The following TMEM39A variants were observed in gnomAD, a reference collection of about 807,000 sequenced individuals.
TMEM39A encodes transmembrane protein 39A, also known as suppressor of SQST-1 aggregates in rpl-43 mutants.
Under a neutral mutation model 51.9 loss-of-function variants are expected in TMEM39A, and 19 were observed. The observed-to-expected ratio is 0.37, with a 90% confidence interval of 0.26 to 0.54. The LOEUF is 0.54. TMEM39A is among the 20% of genes least tolerant of loss of function. The pLI, the probability that TMEM39A is intolerant of heterozygous loss-of-function variation, is 0.88. For synonymous variants in TMEM39A, 197 were observed against 220.2 expected (o/e 0.89, Z 0.93); for missense variants, 433 against 590.5 (o/e 0.73, Z 2.76).
At chr3:119,451,234 G>A in intron 4 of TMEM39A, 1 of 1,280,432 alleles carries the variant, frequency 7.8e-7, no homozygotes, top group Non-Finnish European at 1.0e-6. Flanking sequence ...AACTTCAAAT[G>A]GTTTTCAGAT....
Position 119,462,043 on chromosome 3 carries a change from T to G in TMEM39A, c.32A>C (p.Gln11Pro). The stretch of plus-strand genomic sequence containing the variant: ...AGGTAAAGCTGAACGGCTTAGCTGT[T>G]GCCGACTAGGGCCCCTCCTTCCACC... MPGGRRGPSRQQLSRSALPSL... is the reference protein window; with the variant it reads MPGGRRGPSRPQLSRSALPSL... Residue 11 changes from glutamine to proline, a missense_variant, in exon 2 of 9, where the codon CAA (glutamine) becomes CCA (proline). Physicochemically the swap from Gln to Pro is moderately conservative, Grantham distance 76. Around this residue, in one of 3 missense-constraint regions of TMEM39A, gnomAD observed 170 missense variants for 239.8 expected, o/e 0.71. Transcript: ENST00000319172. 3.7e-6 allele frequency: 6 copies of G among 1,614,184 alleles called. No homozygotes were observed. The highest frequency in any genetic ancestry group is 5.1e-6 in the Non-Finnish European group (6 of 1,180,012).
chr3:119,435,461 ATGGT>A, intron 7 of TMEM39A: 1 of 979,854 alleles, frequency 1.0e-6, no homozygotes, highest in Non-Finnish European at 1.2e-6. Context: ...CACTGCTTTC[ATGGT>A]TTATTTTTAT....
At chr3:119,456,428 T>A (rs1184663016) in intron 3 of TMEM39A, among the ~76,000 whole-genome samples, 1 of 152,212 alleles carries the variant, frequency 6.6e-6, no homozygotes, top group Non-Finnish European at 1.5e-5. Context: ...AACAACCAAA[T>A]GATACAAATA....
In TMEM39A at chr3:119,431,135, T is replaced by C. The variant is rs929435247; in HGVS notation, c.*846A>G. On this transcript the variant is annotated 3_prime_UTR_variant, in exon 9 of 9. Coordinates refer to ENST00000319172, the MANE Select transcript of TMEM39A (RefSeq NM_018266.3). ...GGTTGCTGCTAGACTACATCCAAGA[T>C]TGTTCAGCTGAGGACTTGCCCACTC... 2.0e-5 allele frequency: 3 copies of C among 152,132 alleles called. No homozygotes were observed. Among genetic ancestry groups the C allele is most frequent in the Non-Finnish European group, 4.4e-5 (3 of 68,022 alleles). The allele number at this position is 152,132 out of a possible 1,614,324, so 9.4% of individuals were successfully genotyped here.
chr3:119,461,282 T>C (rs2081333840), intron 2 of TMEM39A, among the ~76,000 whole-genome samples: 1 of 151,868 alleles, frequency 6.6e-6, no homozygotes, highest in Admixed American at 6.6e-5. Flanking sequence ...GGAAGAGGGA[T>C]TGGAAAGTCA....
chr3:119,435,928 G>A, intron 7 of TMEM39A: 1 of 1,289,672 alleles, frequency 7.8e-7, no homozygotes, highest in Non-Finnish European at 1.0e-6. Context: ...TTGAAGGCCT[G>A]TGCTAATCTG....
chr3:119,462,598 ACTTCTGAGTGTGTT>A (rs1349355944), intron 1 of TMEM39A, among the ~76,000 whole-genome samples: 1 of 110,744 alleles, frequency 9.0e-6, no homozygotes, highest in African/African-American at 3.6e-5. Context: ...GGATAAGTTA[ACTTCTGAGTGTGTT>A]CTTCTGAGTG....
chr3:119,434,280 C>G (rs1209747765), intron 8 of TMEM39A, among the ~76,000 whole-genome samples: 2 of 152,046 alleles, frequency 1.3e-5, no homozygotes, highest in African/African-American at 4.8e-5. Flanking sequence ...TTTTCCTTTT[C>G]ATGGCATTTG....
In TMEM39A at chr3:119,438,121, A is replaced by C; in HGVS notation, c.576-18T>G. ...CACCAAACCTGTAAAACAAAGTGTGAAAATGAGACCACAGATACCACCTAA... is the reference window on the plus strand; with the variant it reads ...CACCAAACCTGTAAAACAAAGTGTGCAAATGAGACCACAGATACCACCTAA... On this transcript the variant is annotated intron_variant, in intron 5 of 8. Coordinates refer to ENST00000319172, the MANE Select transcript of TMEM39A (RefSeq NM_018266.3). The C allele has an allele frequency of 6.4e-7, 1 of 1,561,370 alleles. No homozygotes were observed. Among genetic ancestry groups the C allele is most frequent in the South Asian group, 1.1e-5 (1 of 87,588 alleles).
intron 5 of TMEM39A, among the ~76,000 whole-genome samples, chr3:119,445,258 TTTTA>T (rs996667179): frequency 3.3e-5 from 5 of 152,042 alleles, no homozygotes; most frequent in East Asian, 1.9e-4. Context: ...TTTTATTTTA[TTTTA>T]TTTATTTATT....
intron 6 of TMEM39A, 129 bp from the exon 7 acceptor site, chr3:119,437,107 C>G: frequency 1.3e-6 from 1 of 792,938 alleles, no homozygotes; most frequent in Non-Finnish European, 1.9e-6. Flanking sequence ...TCCTGCTGTC[C>G]GTGCAGAAAA....
intron 1 of TMEM39A, 56 bp from the exon 2 acceptor site, chr3:119,462,204 A>G: frequency 1.5e-6 from 1 of 652,274 alleles, no homozygotes; most frequent in East Asian, 2.8e-5. Flanking sequence ...AGTAGGCAAC[A>G]AAACAACGAC....
At chr3:119,434,412 A>G (rs566896340) in intron 8 of TMEM39A, among the ~76,000 whole-genome samples, 4 of 152,314 alleles carry the variant, frequency 2.6e-5, no homozygotes, top group African/African-American at 7.2e-5. Context: ...CAGATACAAT[A>G]TATCTTAACA....
chr3:119,442,076 C>T (rs936967077), intron 5 of TMEM39A, among the ~76,000 whole-genome samples: 2 of 152,212 alleles, frequency 1.3e-5, no homozygotes, highest in Non-Finnish European at 2.9e-5. Context: ...TGCGGTGGCT[C>T]ACGCCTGTAA....
intron 3 of TMEM39A, among the ~76,000 whole-genome samples, chr3:119,453,802 A>C (rs564837322): frequency 6.6e-6 from 1 of 152,378 alleles, no homozygotes; most frequent in East Asian, 1.9e-4. Flanking sequence ...AGCTAAACCC[A>C]TATCTTCAAT....
chr3:119,457,091 C>A (rs2081275624), intron 3 of TMEM39A, among the ~76,000 whole-genome samples: 2 of 152,042 alleles, frequency 1.3e-5, no homozygotes, highest in Non-Finnish European at 2.9e-5. Flanking sequence ...CGGCCTCAGC[C>A]TCCCAAGTAG....
At chr3:119,459,190 C>T (rs1166834505) in intron 2 of TMEM39A, among the ~76,000 whole-genome samples, 1 of 152,196 alleles carries the variant, frequency 6.6e-6, no homozygotes, top group African/African-American at 2.4e-5. Flanking sequence ...AAACAGTTCC[C>T]TACAGTGATA....
Position 119,462,633 on chromosome 3 carries a change from AGGGGGGGGGGC to A in TMEM39A, c.-74-496_-74-486del, listed in dbSNP as rs1336053443. On this transcript the variant is annotated intron_variant, in intron 1 of 8. Coordinates refer to ENST00000319172, the MANE Select transcript of TMEM39A (RefSeq NM_018266.3). ...GTGTTCTTCTGAGTGTGTTTCTTCAAGGGGGGGGGGCGGGGGGGGGGAGTGTCCCCTGTTCT... is the reference window on the plus strand; with the variant it reads ...GTGTTCTTCTGAGTGTGTTTCTTCAAGGGGGGGGGGAGTGTCCCCTGTTCT... Among the ~76,000 whole-genome samples, 3 of 2,264 alleles carry A rather than the reference AGGGGGGGGGGC, an allele frequency of 1.3e-3. 1 individual carries two copies. Among genetic ancestry groups the A allele is most frequent in the East Asian group, 0.038 (1 of 26 alleles). 1.5% of individuals were successfully genotyped at this position (2,264 alleles called of 152,430 possible).
At chr3:119,443,109 G>GCACTCTCT (rs2081077951) in intron 5 of TMEM39A, among the ~76,000 whole-genome samples, 1 of 149,516 alleles carries the variant, frequency 6.7e-6, no homozygotes, top group South Asian at 2.1e-4. Context: ...AGATGTGGCT[G>GCACTCTCT]CACTCTCTCA....
Sources: gnomAD v4.1 joint callset for allele counts (sites outside exome capture counted in the v4.1 genomes callset) on GRCh38, gnomAD v4.1.1 for gene constraint, gnomAD v4.1.1 regional missense constraint, MANE v1.5 for transcripts, NCBI Gene and HGNC (gene_info 2026-07-23, HGNC 2026-07-21) for gene names.